Variants in STRN3 observed in about 807,000 individuals in gnomAD.
STRN3 encodes striatin-3.
In STRN3, 29 loss-of-function variants were observed where a neutral mutation model predicts 95.6. The observed-to-expected ratio is 0.30, with a 90% CI of 0.23 to 0.41. The LOEUF is 0.41. Ranked by LOEUF, STRN3 falls within the 10% of genes least tolerant of loss-of-function variation. The pLI is 1.00. For missense variants in STRN3, 890 were observed against 972.1 expected, an observed-to-expected ratio of 0.92 and a Z score of 1.12; for synonymous variants, 331 against 357.6, an observed-to-expected ratio of 0.93 and a Z score of 0.84.
intron 1 of STRN3, among the ~76,000 whole-genome samples, chr14:30,987,791 G>A (rs988848892): frequency 2.0e-5 from 3 of 151,076 alleles, no homozygotes; most frequent in Non-Finnish European, 4.4e-5. Flanking sequence ...AGGCTGGAGT[G>A]CAGTGGCGCG....
chr14:30,921,065 TACATATAC>T (rs1343406673), intron 8 of STRN3, among the ~76,000 whole-genome samples: 31 of 89,198 alleles, frequency 3.5e-4, no homozygotes, highest in African/African-American at 5.4e-4. Flanking sequence ...TTTCTACACA[TACATATAC>T]ACACACACAC....
At chr14:30,939,967 C>T (rs368762092) in intron 5 of STRN3, among the ~76,000 whole-genome samples, 3 of 151,956 alleles carry the variant, frequency 2.0e-5, no homozygotes, top group Admixed American at 6.6e-5. Flanking sequence ...ATGTAAATCA[C>T]ATTACAATGA....
At chr14:30,911,236 C>A in intron 12 of STRN3, 74 bp from the exon 13 acceptor site, 1 of 1,482,106 alleles carries the variant, frequency 6.7e-7, no homozygotes, top group Non-Finnish European at 9.0e-7. Flanking sequence ...TTCCCCCAAC[C>A]TCTGAATTTA....
chr14:31,008,722 T>C (rs911742255), intron 1 of STRN3, among the ~76,000 whole-genome samples: 3 of 152,030 alleles, frequency 2.0e-5, no homozygotes, highest in Non-Finnish European at 2.9e-5. Flanking sequence ...ATTGTAGTAT[T>C]TGCGTACATA....
rs1191963792 is a variant in STRN3 at position 30,929,954 on chromosome 14, C to CAAAAAAAAAAAAAAAAAAAAAAAAA, written c.989-668_989-644dup. ...TCCATTGGTCTACAACTAAGATTAG[C>CAAAAAAAAAAAAAAAAAAAAAAAAA]AAAAAAAAAAAAAAAAAAAAAAAAA... On this transcript the variant is annotated intron_variant, in intron 7 of 17. Transcript: ENST00000357479. Among the ~76,000 whole-genome samples, 13 of 40,004 alleles carry CAAAAAAAAAAAAAAAAAAAAAAAAA rather than the reference C, an allele frequency of 3.2e-4. 2 individuals are homozygous for CAAAAAAAAAAAAAAAAAAAAAAAAA. Among genetic ancestry groups the CAAAAAAAAAAAAAAAAAAAAAAAAA allele is most frequent in the African/African-American group, 5.0e-4 (4 of 8,064 alleles). The allele number at this position is 40,004 out of a possible 152,430, so 26.2% of individuals were successfully genotyped here. A position where few individuals can be genotyped will look rare whatever the true frequency, so the allele number is the denominator to read the frequency against.
At chr14:30,973,324 C>A (rs1880926271) in intron 1 of STRN3, among the ~76,000 whole-genome samples, 1 of 147,280 alleles carries the variant, frequency 6.8e-6, no homozygotes, top group Non-Finnish European at 1.5e-5. Flanking sequence ...AAACTGACAA[C>A]CCTTTAGGTG....
chr14:30,900,621 T>C (rs1044250829), intron 16 of STRN3, among the ~76,000 whole-genome samples: 12 of 151,476 alleles, frequency 7.9e-5, no homozygotes, highest in Admixed American at 6.6e-4. Context: ...AGTCCCACCC[T>C]GTAGTCCCAC....
At chr14:30,936,737 C>T in intron 5 of STRN3, 113 bp from the exon 6 acceptor site, 2 of 1,283,256 alleles carry the variant, frequency 1.6e-6, no homozygotes, top group South Asian at 3.4e-5. Flanking sequence ...GAATGACTAC[C>T]TACTGTCTGA....
chr14:31,021,557 AT>A (rs1883506954), intron 1 of STRN3, among the ~76,000 whole-genome samples: 1 of 152,210 alleles, frequency 6.6e-6, no homozygotes, highest in Non-Finnish European at 1.5e-5. Context: ...TAAAAATCTG[AT>A]TCTGAATATA....
At chr14:30,946,343 G>C (rs1302604614) in intron 5 of STRN3, among the ~76,000 whole-genome samples, 1 of 151,782 alleles carries the variant, frequency 6.6e-6, no homozygotes, top group Non-Finnish European at 1.5e-5. Flanking sequence ...AGGAGTTTGA[G>C]ACCAGCCTGG....
At chr14:30,911,246 A>C (rs1896599949) in intron 12 of STRN3, 84 bp from the exon 13 acceptor site, 1 of 1,352,010 alleles carries the variant, frequency 7.4e-7, no homozygotes, top group African/African-American at 1.5e-5. Context: ...CTCTGAATTT[A>C]TGTAATATCT....
At chr14:30,930,485 G>A (rs1280520981) in intron 7 of STRN3, among the ~76,000 whole-genome samples, 4 of 151,962 alleles carry the variant, frequency 2.6e-5, no homozygotes, top group South Asian at 2.1e-4. Context: ...TATTTACTGC[G>A]CCTTGAGTTT....
In STRN3 at chr14:31,026,170, C is replaced by T. The variant is rs1883905579; in HGVS notation, c.16G>A (p.Gly6Arg). 3 of 1,482,432 alleles carry T rather than the reference C, an allele frequency of 2.0e-6. No homozygotes were observed. Among genetic ancestry groups the T allele is most frequent in the South Asian group, 1.3e-5 (1 of 77,548 alleles). 91.8% of individuals were successfully genotyped at this position (1,482,432 alleles called of 1,614,324 possible). A position where few individuals can be genotyped will look rare whatever the true frequency, so the allele number is the denominator to read the frequency against. MDELA[G>R]GGGGGPGMAA... The stretch of plus-strand genomic sequence containing the variant: ...ATCCCCGGGCCGCCACCACCGCCTC[C>T]GGCAAGCTCGTCCATTGTGTGTGGG... The change falls in exon 1 of 18, where the codon GGA (glycine) becomes AGA (arginine). Residue 6 changes from glycine (G) to arginine (R), a missense_variant. This residue lies in a region of STRN3 where 526 missense variants were observed against 526.3 expected (regional missense o/e 1.00). Transcript: ENST00000357479.
At chr14:30,994,558 TAAACTAA>T (rs1191024057) in intron 1 of STRN3, among the ~76,000 whole-genome samples, 1 of 151,922 alleles carries the variant, frequency 6.6e-6, no homozygotes, top group Non-Finnish European at 1.5e-5. Flanking sequence ...TAAAACCAAA[TAAACTAA>T]AAACTAAATA....
chr14:30,910,399 T>C (rs1487980883), intron 13 of STRN3, among the ~76,000 whole-genome samples: 2 of 152,216 alleles, frequency 1.3e-5, no homozygotes, highest in East Asian at 1.9e-4. Context: ...CTAGCTAATG[T>C]AGGCACAATG....
chr14:30,939,796 A>G (rs1879005928), intron 5 of STRN3, among the ~76,000 whole-genome samples: 1 of 152,108 alleles, frequency 6.6e-6, no homozygotes, highest in South Asian at 2.1e-4. Context: ...TTTTTTCTAA[A>G]TAACATGCTC....
chr14:30,943,300 C>A (rs533858166), intron 5 of STRN3, among the ~76,000 whole-genome samples: 1 of 152,110 alleles, frequency 6.6e-6, no homozygotes, highest in African/African-American at 2.4e-5. Context: ...CAACTATTTC[C>A]GGCCAGGCGC....
At position 31,026,205 on chromosome 14, in the gene STRN3, G is replaced by C; in HGVS notation, c.-20C>G. On this transcript the variant is annotated 5_prime_UTR_variant, in exon 1 of 18. Transcript: ENST00000357479. ...GTCCATTGTGTGTGGGGCCCCGGCC[G>C]GGGCGCAGGGCGAGACGCCGACAGC... 4 of 1,399,680 alleles carry C rather than the reference G, an allele frequency of 2.9e-6. No homozygotes were observed. Among genetic ancestry groups the C allele is most frequent in the South Asian group, 3.1e-5 (2 of 64,086 alleles). 86.7% of individuals were successfully genotyped at this position (1,399,680 alleles called of 1,614,324 possible).
chr14:31,019,774 T>C (rs779589325), intron 1 of STRN3, among the ~76,000 whole-genome samples: 7 of 152,142 alleles, frequency 4.6e-5, no homozygotes, highest in Non-Finnish European at 1.0e-4. Flanking sequence ...CAAAGGGGAC[T>C]ATACAATCCC....
Sources: gnomAD v4.1 joint callset for allele counts (sites outside exome capture counted in the v4.1 genomes callset) on GRCh38, gnomAD v4.1.1 for gene constraint, gnomAD v4.1.1 regional missense constraint, MANE v1.5 for transcripts, NCBI Gene and HGNC (gene_info 2026-07-23, HGNC 2026-07-21) for gene names.